Variants in USP42 observed in about 807,000 individuals in gnomAD.
USP42 encodes the protein ubiquitin specific peptidase 42.
In USP42, 23 loss-of-function variants were observed where a neutral mutation model predicts 113.0. That is an observed-to-expected ratio of 0.20 (90% CI 0.15 to 0.29). USP42 has a LOEUF of 0.29. Among genes scored for constraint, USP42 ranks in the 10% least tolerant of loss-of-function variants. The pLI is 1.00. For missense variants in USP42, 2,174 were observed against 1,779.8 expected (o/e 1.22, Z -3.99); for synonymous variants, 933 against 699.0 (o/e 1.33, Z -5.28).
chr7:6,116,582 A>G (rs1779923174), intron 3 of USP42: 1 of 316,458 alleles, frequency 3.2e-6, no homozygotes, highest in African/African-American at 2.3e-5. Flanking sequence ...CTTTTTGAAT[A>G]GTTCTTTACT....
intron 4 of USP42, among the ~76,000 whole-genome samples, chr7:6,137,430 C>T (rs992224871): frequency 1.1e-4 from 16 of 152,238 alleles, no homozygotes; most frequent in African/African-American, 3.9e-4. Context: ...ACGATCTTGG[C>T]TCACTACAAC....
intron 12 of USP42, 30 bp downstream of exon 12, chr7:6,147,922 T>A (rs546536624): frequency 6.4e-7 from 1 of 1,562,588 alleles, no homozygotes; most frequent in Non-Finnish European, 8.7e-7. Context: ...AGAACATTTT[T>A]ATGTTAATTT....
At chr7:6,102,580 G>C (rs1435842103), upstream of USP42, among the ~76,000 whole-genome samples, 1 of 150,536 alleles carries the variant, frequency 6.6e-6, no homozygotes, top group East Asian at 2.0e-4. Context: ...GGGCAACATA[G>C]CGAGCCCGTC....
chr7:6,149,339 G>A (rs983421023), intron 12 of USP42, among the ~76,000 whole-genome samples: 2 of 152,160 alleles, frequency 1.3e-5, no homozygotes, highest in African/African-American at 2.4e-5. Context: ...TTTGGTCGGA[G>A]GATTGTTTTC....
rs1468023851 is a variant in USP42 at position 6,153,791 on chromosome 7, G to A, written c.2237G>A (p.Arg746His). The A allele has an allele frequency of 6.7e-7, 1 of 1,503,204 alleles. No homozygotes were observed. The highest frequency in any genetic ancestry group is 1.3e-5 in the South Asian group (1 of 78,672). The allele number at this position is 1,503,204 out of a possible 1,614,324, so 93.1% of individuals were successfully genotyped here. A position where few individuals can be genotyped will look rare whatever the true frequency, so the allele number is the denominator to read the frequency against. ...GCAGAGAGGGGCCCTCCCGAGGACC[G>A]CGACGCCGAGCCTCAGCCTGGCAGC... ...PGAERGPPED[R>H]DAEPQPGSPA... The change falls in exon 15 of 18, where the codon CGC (arginine) becomes CAC (histidine). Residue 746 changes from arginine (R) to histidine (H), a missense_variant. Arg to His is a conservative substitution (Grantham distance 29). Coordinates refer to ENST00000306177, the MANE Select transcript of USP42 (RefSeq NM_032172.3).
chr7:6,086,736 T>C, the USP42 span, among the ~76,000 whole-genome samples: 1 of 149,338 alleles, frequency 6.7e-6, no homozygotes, highest in Non-Finnish European at 1.5e-5. Flanking sequence ...TTCCTTTCCT[T>C]TCTTTTTGAG....
Position 6,157,006 on chromosome 7 carries a change from A to T in USP42, c.3894A>T (p.Leu1298Phe), listed in dbSNP as rs774340248. Residue 1298 changes from leucine to phenylalanine, a missense_variant, in exon 16 of 18, where the codon TTA (leucine) becomes TTT (phenylalanine). Physicochemically the swap from Leu to Phe is conservative, Grantham distance 22 (BLOSUM62 0). Coordinates refer to ENST00000306177, the MANE Select transcript of USP42 (RefSeq NM_032172.3). The surrounding 1 kb of genome is among the most constrained non-coding windows in gnomAD (Gnocchi z 4.1). ...CTTTCCGTGAGAAAACGAAACACTT[A>T]CGGATGGAAAGCAGGGATGACAGGT... Reference protein sequence around the residue: ...VGPFREKTKHLRMESRDDRCR... With the variant: ...VGPFREKTKHFRMESRDDRCR... 61 of 1,613,134 alleles carry T rather than the reference A, an allele frequency of 3.8e-5. No homozygotes were observed. Among genetic ancestry groups the T allele is most frequent in the Non-Finnish European group, 4.7e-5 (56 of 1,179,656 alleles).
rs1387510635 is a variant in USP42 at position 6,139,748 on chromosome 7, T to C, written c.657-380T>C. Reference sequence around the variant, plus strand: ...CACCGCCCTGTCTAGGACTTCATTGTCCGGGTGATGACATACTTGGGTCGG... The same window carrying C: ...CACCGCCCTGTCTAGGACTTCATTGCCCGGGTGATGACATACTTGGGTCGG... On this transcript the variant is annotated intron_variant, in intron 5 of 17. Coordinates refer to ENST00000306177, the MANE Select transcript of USP42 (RefSeq NM_032172.3). This position sits in a 1 kb window ranked among gnomAD's most constrained non-coding sequence, Gnocchi z 4.5. 3.1e-6 allele frequency: 1 copy of C among 322,328 alleles called. No individual in the cohort carries two copies. The highest frequency in any genetic ancestry group is 8.3e-5 in the East Asian group (1 of 12,114). The allele number at this position is 322,328 out of a possible 1,614,324, so 20.0% of individuals were successfully genotyped here.
At chr7:6,107,979 A>G (rs1413053605) in intron 1 of USP42, among the ~76,000 whole-genome samples, 1 of 152,084 alleles carries the variant, frequency 6.6e-6, no homozygotes, top group African/African-American at 2.4e-5. Flanking sequence ...CCCTAGTTAA[A>G]AATTACACCA....
At chr7:6,090,005 G>GAT in the USP42 span, among the ~76,000 whole-genome samples, 15 of 146,344 alleles carry the variant, frequency 1.0e-4, no homozygotes, top group African/African-American at 2.6e-4. Context: ...TGTCTCAAAA[G>GAT]ATATATATAT....
intron 3 of USP42, among the ~76,000 whole-genome samples, chr7:6,119,748 CTAGAG>C (rs1254910828): frequency 6.6e-6 from 1 of 151,944 alleles, no homozygotes; most frequent in African/African-American, 2.4e-5. Context: ...GTTGCCCAGG[CTAGAG>C]TACAGTGGTG....
chr7:6,092,054 T>TTCTTTC, the USP42 span, among the ~76,000 whole-genome samples: 2 of 37,906 alleles, frequency 5.3e-5, no homozygotes, highest in Admixed American at 3.1e-4. Flanking sequence ...CTTCTTCTTC[T>TTCTTTC]TTCTTCTTCT....
intron 12 of USP42, among the ~76,000 whole-genome samples, 154 bp downstream of exon 12, chr7:6,148,046 T>C (rs897109103): frequency 2.0e-5 from 3 of 152,210 alleles, no homozygotes; most frequent in Non-Finnish European, 4.4e-5. Flanking sequence ...ATTTCAAATA[T>C]ACAGAAAACG....
chr7:6,101,400 C>T (rs1454520471), upstream of USP42, among the ~76,000 whole-genome samples: 1 of 151,048 alleles, frequency 6.6e-6, no homozygotes, highest in African/African-American at 2.5e-5. Flanking sequence ...TTGCGTCTTG[C>T]ATAAAAACCA....
chr7:6,101,165 CAGG>C (rs1011304485), upstream of USP42, among the ~76,000 whole-genome samples: 4 of 151,080 alleles, frequency 2.6e-5, no homozygotes, highest in African/African-American at 4.9e-5. Flanking sequence ...AGAACAGCCT[CAGG>C]AGAAGAGGCA....
At chr7:6,106,520 C>A (rs1037311382) in intron 1 of USP42, among the ~76,000 whole-genome samples, 2 of 152,132 alleles carry the variant, frequency 1.3e-5, no homozygotes, top group Non-Finnish European at 2.9e-5. Flanking sequence ...GCAAAGGAAA[C>A]ACTTGTGAAG....
chr7:6,082,516 G>T, the USP42 span, among the ~76,000 whole-genome samples: 1 of 150,478 alleles, frequency 6.6e-6, no homozygotes, highest in Non-Finnish European at 1.5e-5. Flanking sequence ...AGTTCAGGAG[G>T]CAAAGGCGGG....
Position 6,158,200 on chromosome 7 carries a change from G to T in USP42, c.3943+1145G>T, listed in dbSNP as rs550190137. Among the ~76,000 whole-genome samples the T allele has an allele frequency of 3.0e-4, 45 of 152,382 alleles. No individual in the cohort carries two copies. Among genetic ancestry groups the T allele is most frequent in the African/African-American group, 1.1e-3 (45 of 41,586 alleles). On this transcript the variant is annotated intron_variant, in intron 16 of 17. Coordinates refer to ENST00000306177, the MANE Select transcript of USP42 (RefSeq NM_032172.3). The surrounding 1 kb of genome is among the most constrained non-coding windows in gnomAD (Gnocchi z 4.2). The stretch of plus-strand genomic sequence containing the variant: ...TGTGGCTTGATTGGGGCGCAGCCAG[G>T]TGCGTTCCCACGCTGTCTGGCGGCT...
chr7:6,097,287 G>A, the USP42 span, among the ~76,000 whole-genome samples: 3 of 150,790 alleles, frequency 2.0e-5, no homozygotes, highest in African/African-American at 7.5e-5. Context: ...CCAGCTGGTA[G>A]CATGCATTTT....
Sources: allele counts gnomAD v4.1 joint callset (sites outside exome capture counted in the v4.1 genomes callset), GRCh38; gene constraint gnomAD v4.1.1; non-coding constraint Gnocchi (gnomAD v3.1); transcripts MANE v1.5; gene names NCBI Gene and HGNC (gene_info 2026-07-23, HGNC 2026-07-21).